The following C6 variants were observed in gnomAD, a reference collection of about 807,000 sequenced individuals.
The protein encoded by C6 is complement C6, also known as complement component C6.
C6 carries 101 observed loss-of-function variants against 112.9 expected under a neutral mutation model. That is an observed-to-expected ratio of 0.89 (90% CI 0.76 to 1.06). The LOEUF is 1.06. Among genes scored for constraint, C6 ranks in the 50% least tolerant of loss-of-function variants. C6 has a pLI of 0.00. For synonymous variants in C6, 431 were observed against 384.1 expected (o/e 1.12, Z -1.43); for missense variants, 1,202 against 1,104.6 (o/e 1.09, Z -1.25).
chr5:41,173,211 T>G (rs1482722118), intron 8 of C6, among the ~76,000 whole-genome samples: 1 of 152,168 alleles, frequency 6.6e-6, no homozygotes, highest in Admixed American at 6.6e-5. Context: ...TGCGAAAACC[T>G]TGATGCTCTG....
chr5:41,169,300 T>C (rs57907280), intron 9 of C6, among the ~76,000 whole-genome samples: 4,008 of 152,068 alleles, frequency 0.026, 165 homozygotes, highest in African/African-American at 0.086. Context: ...CATGTGCATG[T>C]GTACATACAC....
At chr5:41,216,222 T>G (rs978663363), upstream of C6, among the ~76,000 whole-genome samples, 1 of 152,298 alleles carries the variant, frequency 6.6e-6, no homozygotes, top group South Asian at 2.1e-4. Flanking sequence ...CTTCACTCTT[T>G]GAAATCTATG....
intron 1 of C6, among the ~76,000 whole-genome samples, chr5:41,230,517 G>C (rs915691579): frequency 1.3e-5 from 2 of 152,074 alleles, no homozygotes; most frequent in African/African-American, 4.8e-5. Context: ...TTCCAGCCTG[G>C]TAAATTCTAG....
chr5:41,199,244 T>G (rs1750828731), intron 4 of C6, among the ~76,000 whole-genome samples: 1 of 152,168 alleles, frequency 6.6e-6, no homozygotes, highest in Non-Finnish European at 1.5e-5. Context: ...GAAATTTAAT[T>G]TTATTGTAAC....
chr5:41,217,898 T>A (rs990438291), upstream of C6, among the ~76,000 whole-genome samples: 6 of 152,160 alleles, frequency 3.9e-5, no homozygotes, highest in Non-Finnish European at 8.8e-5. Context: ...TGTCCTCCTG[T>A]TGTCCCAAAC....
intron 1 of C6, among the ~76,000 whole-genome samples, chr5:41,247,447 T>TA: frequency 6.6e-6 from 1 of 152,042 alleles, no homozygotes; most frequent in South Asian, 2.1e-4. Flanking sequence ...CACAGAAAAG[T>TA]AAAAATAAAA....
chr5:41,174,459 T>G (rs1748679581), intron 8 of C6, among the ~76,000 whole-genome samples: 1 of 152,214 alleles, frequency 6.6e-6, no homozygotes, highest in African/African-American at 2.4e-5. Flanking sequence ...TAACCTCCAA[T>G]TCAGTGTAGA....
rs370782768 is a variant in C6, at chr5:41,176,700, T to C, written c.943A>G (p.Arg315Gly). 2.5e-6 allele frequency: 4 copies of C among 1,610,950 alleles called. No individual in the cohort carries two copies. The highest frequency in any genetic ancestry group is 2.5e-6 in the Non-Finnish European group (3 of 1,177,944). Residue 315 changes from arginine (R) to glycine (G), a missense_variant, in exon 8 of 18, where the codon AGG becomes GGG. Coordinates refer to ENST00000337836, the MANE Select transcript of C6 (RefSeq NM_000065.5). ...AAGACTTTCATCACTTTATGGATCC[T>C]AATAAAACTAGAATCCTAAATGGAA... is the stretch of plus-strand genomic sequence containing the variant. ...ASHKKDSSFIRIHKVMKVLNF... is the reference protein window; with the variant it reads ...ASHKKDSSFIGIHKVMKVLNF...
rs1324371906 is a variant in C6, at chr5:41,160,255, G to A, written c.1571C>T (p.Ala524Val). 1 of 1,613,762 alleles carries A rather than the reference G, an allele frequency of 6.2e-7. No homozygotes were observed. The highest frequency in any genetic ancestry group is 8.5e-7 in the Non-Finnish European group (1 of 1,179,836). The change falls in exon 11 of 18, where the codon GCT (alanine) becomes GTT (valine). Residue 524 changes from alanine to valine, a missense_variant. Coordinates refer to ENST00000337836, the MANE Select transcript of C6 (RefSeq NM_000065.5). Reference sequence around the variant, plus strand: ...GGGTCGGCCATTATTAGGGCATGGAGCACACTGGCAAGGATCGAACTTGGC... The same window carrying A: ...GGGTCGGCCATTATTAGGGCATGGAACACACTGGCAAGGATCGAACTTGGC... ...YAAKFDPCQCAPCPNNGRPTL... is the reference protein window; with the variant it reads ...YAAKFDPCQCVPCPNNGRPTL...
In C6 at chr5:41,191,887, A is replaced by T. The variant is rs116714274; in HGVS notation, c.587+3905T>A. On this transcript the variant is annotated intron_variant, in intron 5 of 17. Coordinates refer to ENST00000337836, the MANE Select transcript of C6 (RefSeq NM_000065.5). Reference sequence around the variant, plus strand: ...TTTGACTTACTCCTTTCCAGTTTGGATCCATTTATTTCTTTTCCTTGCCTA... The same window carrying T: ...TTTGACTTACTCCTTTCCAGTTTGGTTCCATTTATTTCTTTTCCTTGCCTA... Among the ~76,000 whole-genome samples, 528 of 150,852 alleles carry T rather than the reference A, an allele frequency of 3.5e-3. 8 individuals are homozygous for T. The highest frequency in any genetic ancestry group is 0.012 in the African/African-American group (498 of 40,996).
intron 8 of C6, among the ~76,000 whole-genome samples, chr5:41,173,480 C>T (rs1475355662): frequency 6.6e-6 from 1 of 152,146 alleles, no homozygotes; most frequent in Non-Finnish European, 1.5e-5. Flanking sequence ...TCCCCAGGCA[C>T]CTGACTCACT....
In C6 at chr5:41,211,511, A is replaced by G. The variant is rs1346350477; in HGVS notation, c.-21+1865T>C. On this transcript the variant is annotated intron_variant, in intron 1 of 17. Coordinates refer to ENST00000337836, the MANE Select transcript of C6 (RefSeq NM_000065.5). ...AACCACAGGGTATTGGGACAATAGT[A>G]GCCAGATAGAATTTAAGTCGTGATC... is the stretch of plus-strand genomic sequence containing the variant. 2.0e-5 allele frequency among the ~76,000 whole-genome samples: 3 copies of G among 152,190 alleles called. No homozygotes were observed. The East Asian group carries it at 5.8e-4, about 29-fold the overall frequency.
At chr5:41,257,560 G>C (rs1741797000) in intron 1 of C6, among the ~76,000 whole-genome samples, 2 of 152,148 alleles carry the variant, frequency 1.3e-5, no homozygotes, top group Admixed American at 6.5e-5. Flanking sequence ...GGGTTGAATG[G>C]TTATTGCACT....
At chr5:41,190,684 G>A (rs911220083) in intron 5 of C6, among the ~76,000 whole-genome samples, 3 of 152,138 alleles carry the variant, frequency 2.0e-5, no homozygotes, top group Admixed American at 1.3e-4. Context: ...TCACATCAAT[G>A]TTCTAAGGGT....
rs1190458243 is a variant in C6, at chr5:41,237,050, A to G, written c.-21+24144T>C. ...AGGAAGAAGTTGAATATCTGAATAGACCAATAACAGGCTCTGAAATTGTGG... is the reference window on the plus strand; with the variant it reads ...AGGAAGAAGTTGAATATCTGAATAGGCCAATAACAGGCTCTGAAATTGTGG... On this transcript the variant is annotated intron_variant, in intron 1 of 17. Coordinates refer to the C6 transcript ENST00000263413. Among the ~76,000 whole-genome samples the G allele has an allele frequency of 1.0e-4, 15 of 149,424 alleles. No homozygotes were observed. The South Asian group carries it at 3.2e-3, about 32-fold the overall frequency.
At chr5:41,228,413 C>CA (rs1739664288) in intron 1 of C6, among the ~76,000 whole-genome samples, 2 of 152,096 alleles carry the variant, frequency 1.3e-5, no homozygotes, top group African/African-American at 4.8e-5. Context: ...CAAGCAGAGA[C>CA]AGTTTACCTT....
intron 17 of C6, among the ~76,000 whole-genome samples, chr5:41,149,031 T>G (rs1483901405): frequency 6.6e-6 from 1 of 152,180 alleles, no homozygotes; most frequent in Non-Finnish European, 1.5e-5. Flanking sequence ...GAGAAAAGAT[T>G]GGCAAGATAT....
intron 9 of C6, among the ~76,000 whole-genome samples, chr5:41,170,298 T>A (rs892381810): frequency 1.3e-5 from 2 of 151,918 alleles, no homozygotes; most frequent in Non-Finnish European, 2.9e-5. Context: ...TTTTATTAAT[T>A]TTATTTTTAA....
At chr5:41,218,333 G>A (rs945744445), upstream of C6, among the ~76,000 whole-genome samples, 3 of 151,532 alleles carry the variant, frequency 2.0e-5, no homozygotes, top group East Asian at 1.9e-4. Flanking sequence ...TTTTATTCAC[G>A]AATTTTGCAA....
Sources: allele counts gnomAD v4.1 joint callset (sites outside exome capture counted in the v4.1 genomes callset), GRCh38; gene constraint gnomAD v4.1.1; transcripts MANE v1.5; gene names NCBI Gene and HGNC (gene_info 2026-07-23, HGNC 2026-07-21).